Variants in PDSS2 observed in about 807,000 individuals in gnomAD.
The protein encoded by PDSS2 is all trans-polyprenyl-diphosphate synthase PDSS2.
In PDSS2, 31 loss-of-function variants were observed where a neutral mutation model predicts 44.5. The ratio of observed to expected loss-of-function variants is 0.70; its 90% CI spans 0.52 to 0.94. The LOEUF (loss-of-function observed/expected upper bound fraction) is 0.94, where lower values mean the gene tolerates loss of function less well. Among genes scored for constraint, PDSS2 ranks in the 40% least tolerant of loss-of-function variants. The pLI, the probability that PDSS2 is intolerant of heterozygous loss-of-function variation, is 0.00. For synonymous variants in PDSS2, 157 were observed against 180.3 expected (o/e 0.87, Z 1.03); for missense variants, 452 against 482.2 (o/e 0.94, Z 0.59).
intron 1 of PDSS2, among the ~76,000 whole-genome samples, chr6:107,402,805 G>C (rs1463027972): frequency 6.6e-6 from 1 of 151,890 alleles, no homozygotes; most frequent in Non-Finnish European, 1.5e-5. Context: ...CACGAGAATA[G>C]CATGAAGGTA....
chr6:107,294,553 C>T (rs1412780270), intron 2 of PDSS2, among the ~76,000 whole-genome samples: 1 of 152,034 alleles, frequency 6.6e-6, no homozygotes, highest in African/African-American at 2.4e-5. Context: ...TAGGCTTCTC[C>T]TGCATGTTTA....
intron 7 of PDSS2, chr6:107,192,470 C>CA: frequency 4.7e-6 from 2 of 422,342 alleles, no homozygotes; most frequent in Non-Finnish European, 9.3e-6. Context: ...AGACAGACTC[C>CA]AAAAAAGCCA....
At chr6:107,211,260 TATATTAA>T (rs1773194136) in intron 5 of PDSS2, among the ~76,000 whole-genome samples, 1 of 151,632 alleles carries the variant, frequency 6.6e-6, no homozygotes, top group South Asian at 2.1e-4. Flanking sequence ...CTGAATAGTA[TATATTAA>T]ATTAAATTTA....
At chr6:107,285,957 T>C (rs1182211001) in intron 2 of PDSS2, among the ~76,000 whole-genome samples, 1 of 151,794 alleles carries the variant, frequency 6.6e-6, no homozygotes, top group Admixed American at 6.6e-5. Flanking sequence ...CTGACCAACA[T>C]GGCAAAACCC....
intron 1 of PDSS2, among the ~76,000 whole-genome samples, chr6:107,356,632 T>C (rs753836047): frequency 1.3e-5 from 2 of 152,216 alleles, no homozygotes; most frequent in Non-Finnish European, 2.9e-5. Flanking sequence ...GTGGTAATAG[T>C]TCTTTATCTA....
intron 2 of PDSS2, among the ~76,000 whole-genome samples, chr6:107,279,417 C>A (rs1021432273): frequency 1.3e-5 from 2 of 152,054 alleles, no homozygotes; most frequent in Non-Finnish European, 2.9e-5. Flanking sequence ...AGGCTTAATT[C>A]TTTTTGTTTA....
intron 1 of PDSS2, among the ~76,000 whole-genome samples, chr6:107,349,272 A>C (rs1778355441): frequency 6.6e-6 from 1 of 151,974 alleles, no homozygotes; most frequent in Non-Finnish European, 1.5e-5. Flanking sequence ...CTCTACTAAA[A>C]ATACAAAAAA....
chr6:107,205,112 A>G (rs1455432712), intron 6 of PDSS2, among the ~76,000 whole-genome samples: 2 of 152,226 alleles, frequency 1.3e-5, no homozygotes, highest in Non-Finnish European at 2.9e-5. Flanking sequence ...GTTTAAGAAT[A>G]GGCATGTGTT....
At chr6:107,377,679 A>C (rs1053086698) in intron 1 of PDSS2, among the ~76,000 whole-genome samples, 3 of 152,150 alleles carry the variant, frequency 2.0e-5, no homozygotes, top group African/African-American at 4.8e-5. Flanking sequence ...AATGTGGCAC[A>C]TATACACCAT....
chr6:107,241,245 TAAAAAAA>T (rs35226308), intron 4 of PDSS2, among the ~76,000 whole-genome samples: 1 of 98,112 alleles, frequency 1.0e-5, no homozygotes, highest in Admixed American at 1.2e-4. Flanking sequence ...CGAGACTCGG[TAAAAAAA>T]AAAAAAAAAA....
chr6:107,366,766 G>A (rs1307570748), intron 1 of PDSS2, among the ~76,000 whole-genome samples: 7 of 151,674 alleles, frequency 4.6e-5, no homozygotes, highest in Admixed American at 3.9e-4. Flanking sequence ...AGACATTTCC[G>A]AAACTTAAGA....
At chr6:107,362,503 A>T (rs2039321394) in intron 1 of PDSS2, among the ~76,000 whole-genome samples, 1 of 152,236 alleles carries the variant, frequency 6.6e-6, no homozygotes, top group African/African-American at 2.4e-5. Context: ...ATTGTGAAGG[A>T]TACAGACTTC....
chr6:107,295,649 C>A (rs1562442770), intron 2 of PDSS2, among the ~76,000 whole-genome samples: 1 of 152,228 alleles, frequency 6.6e-6, no homozygotes, highest in East Asian at 1.9e-4. Flanking sequence ...GAGTGACCAG[C>A]ACAGCCAGTG....
At chr6:107,219,648 T>G (rs1307349166) in intron 4 of PDSS2, among the ~76,000 whole-genome samples, 1 of 152,230 alleles carries the variant, frequency 6.6e-6, no homozygotes, top group Non-Finnish European at 1.5e-5. Flanking sequence ...TCTCAAATAC[T>G]ACCACAAATA....
At chr6:107,443,901 C>A (rs560590325) in intron 1 of PDSS2, among the ~76,000 whole-genome samples, 2 of 152,114 alleles carry the variant, frequency 1.3e-5, no homozygotes, top group Non-Finnish European at 2.9e-5. Flanking sequence ...TGTCTCCCCA[C>A]GAAAATGAAT....
chr6:107,454,593 A>G (rs1781975571), intron 1 of PDSS2, among the ~76,000 whole-genome samples: 1 of 151,710 alleles, frequency 6.6e-6, no homozygotes, highest in Non-Finnish European at 1.5e-5. Flanking sequence ...TCTTGACAAG[A>G]TGTCTTAGGT....
At chr6:107,238,197 C>G (rs1774294354) in intron 4 of PDSS2, among the ~76,000 whole-genome samples, 1 of 152,140 alleles carries the variant, frequency 6.6e-6, no homozygotes. Flanking sequence ...TTCCCCATCT[C>G]AACACCAACA....
At chr6:107,359,005 C>CTTT (rs1491318573) in intron 1 of PDSS2, among the ~76,000 whole-genome samples, 2 of 81,614 alleles carry the variant, frequency 2.5e-5, no homozygotes, top group African/African-American at 9.7e-5. Flanking sequence ...AGCATTCTCG[C>CTTT]TCTTTTTTTT....
At chr6:107,347,153 T>C (rs1395315856) in intron 1 of PDSS2, among the ~76,000 whole-genome samples, 2 of 152,098 alleles carry the variant, frequency 1.3e-5, no homozygotes, top group African/African-American at 4.8e-5. Flanking sequence ...AGGACCTGCA[T>C]GGGCCCAGCT....
Sources: allele counts gnomAD v4.1 joint callset (sites outside exome capture counted in the v4.1 genomes callset), GRCh38; gene constraint gnomAD v4.1.1; transcripts MANE v1.5; gene names NCBI Gene and HGNC (gene_info 2026-07-23, HGNC 2026-07-21).